Variants in RAD51D observed in about 807,000 individuals in gnomAD.
The protein encoded by RAD51D is DNA repair protein RAD51 homolog 4.
A neutral mutation model predicts 44.1 loss-of-function variants in RAD51D; 38 were observed. The observed-to-expected ratio is 0.86, with a 90% CI of 0.67 to 1.13. RAD51D has a LOEUF of 1.13. RAD51D is among the 50% of genes most tolerant of loss of function. The probability of loss-of-function intolerance (pLI) is 0.00; values close to 1 mark genes in which losing one functional copy is unlikely to be tolerated. For missense variants in RAD51D, 390 were observed against 414.0 expected (o/e 0.94, Z 0.50); for synonymous variants, 141 against 166.6 (o/e 0.85, Z 1.18).
Position 35,103,324 on chromosome 17 carries a change from C to A in RAD51D, c.668G>T (p.Gly223Val), listed in dbSNP as rs1064793588. 1 of 1,612,292 alleles carries A rather than the reference C, an allele frequency of 6.2e-7. No individual in the cohort carries two copies. Among genetic ancestry groups the A allele is most frequent in the Non-Finnish European group, 8.5e-7 (1 of 1,179,262 alleles). ...SPLLGGQQRE[G>V]LALMMQLARE... is the part of the protein sequence containing the mutation. Reference sequence around the variant, plus strand: ...GGCCAGCTGCATCATCAAGGCCAAGCCTGCAGGAGGAGGAGAAGCAGAGAG... The same window carrying A: ...GGCCAGCTGCATCATCAAGGCCAAGACTGCAGGAGGAGGAGAAGCAGAGAG... Residue 223 changes from glycine to valine, a missense_variant and splice_region_variant, in exon 8 of 10, where the codon GGC (glycine) becomes GTC (valine). Transcript: ENST00000345365. The surrounding 1 kb of genome is among the most constrained non-coding windows in gnomAD (Gnocchi z 4.1).
chr17:35,119,304 A>T lies in RAD51D; in HGVS notation c.83-132T>A, dbSNP rs1273351119. Reference sequence around the variant, plus strand: ...CGTCTCAGGAGGCCAGTGTGAAATAACAAAGCTGCAGGAGCCGGCGCGGTG... The same window carrying T: ...CGTCTCAGGAGGCCAGTGTGAAATATCAAAGCTGCAGGAGCCGGCGCGGTG... On this transcript the variant is annotated intron_variant, in intron 1 of 9. Coordinates refer to ENST00000345365, the MANE Select transcript of RAD51D (RefSeq NM_002878.4). The T allele has an allele frequency of 1.3e-5, 13 of 974,410 alleles. No individual in the cohort carries two copies. In the Admixed American group the frequency reaches 2.5e-4, roughly 19 times the overall value. The allele number at this position is 974,410 out of a possible 1,614,324, so 60.4% of individuals were successfully genotyped here. A position where few individuals can be genotyped will look rare whatever the true frequency, so the allele number is the denominator to read the frequency against.
At position 35,107,416 on chromosome 17, in the gene RAD51D, T is replaced by C. The variant is rs746416079; in HGVS notation, c.295A>G (p.Thr99Ala). The change falls in exon 4 of 10, where the codon ACT (threonine) becomes GCT (alanine). Residue 99 changes from threonine to alanine, a missense_variant. Thr to Ala is a moderately conservative substitution (Grantham distance 58, BLOSUM62 0). Coordinates refer to ENST00000345365, the MANE Select transcript of RAD51D (RefSeq NM_002878.4). ...CCTACAATTTCAGTCACTTCTCCAG[T>C]ATAGAGACCAGCATCAAGCAGTTTA... ...LDKLLDAGLYTGEVTEIVGGP... is the reference protein window; with the variant it reads ...LDKLLDAGLYAGEVTEIVGGP... 6 of 1,563,234 alleles carry C rather than the reference T, an allele frequency of 3.8e-6. No homozygotes were observed. Among genetic ancestry groups the C allele is most frequent in the Non-Finnish European group, 5.3e-6 (6 of 1,133,974 alleles).
At chr17:35,118,702 T>A in intron 2 of RAD51D, 83 bp from the exon 3 acceptor site, 1 of 1,011,004 alleles carries the variant, frequency 9.9e-7, no homozygotes, top group Non-Finnish European at 1.6e-6. Flanking sequence ...TACTTCTCAA[T>A]ATCTGAGAAC....
intron 3 of RAD51D, among the ~76,000 whole-genome samples, chr17:35,114,865 A>T (rs549930493): frequency 1.1e-3 from 160 of 152,352 alleles, no homozygotes; most frequent in African/African-American, 3.8e-3. Context: ...AAATTAGAAT[A>T]TATAGAGTTG....
At chr17:35,115,344 C>A (rs767009544) in intron 3 of RAD51D, 3 of 506,000 alleles carry the variant, frequency 5.9e-6, no homozygotes, top group South Asian at 4.3e-5. Context: ...TAGCTCTGGC[C>A]TATAAGGAAT....
At position 35,116,980 on chromosome 17, in the gene RAD51D, C is replaced by T. The variant is rs1281588416; in HGVS notation, c.263+1521G>A. 1.4e-5 allele frequency: 23 copies of T among 1,613,812 alleles called. No individual in the cohort carries two copies. Among genetic ancestry groups the T allele is most frequent in the Middle Eastern group, 1.6e-4 (1 of 6,084 alleles). The stretch of plus-strand genomic sequence containing the variant: ...CTGACCCCACTCCACGATCTCCCTG[C>T]GGGGACCTGAGGCAGCTGCAGTCCT... On this transcript the variant is annotated intron_variant, in intron 3 of 9. Transcript: ENST00000345365.
chr17:35,112,688 A>T (rs1438677245), intron 3 of RAD51D, among the ~76,000 whole-genome samples: 2 of 152,276 alleles, frequency 1.3e-5, no homozygotes, highest in African/African-American at 4.8e-5. Flanking sequence ...AATAAATGGT[A>T]GTGTTTTTTA....
At chr17:35,112,366 A>G (rs2091688145) in intron 3 of RAD51D, among the ~76,000 whole-genome samples, 1 of 151,000 alleles carries the variant, frequency 6.6e-6, no homozygotes, top group Admixed American at 6.6e-5. Flanking sequence ...GTGAACCACC[A>G]CGCCCAGCCA....
intron 1 of RAD51D, 129 bp from the exon 2 acceptor site, chr17:35,119,301 A>G (rs2091792426): frequency 1.0e-6 from 1 of 985,172 alleles, no homozygotes; most frequent in South Asian, 1.3e-5. Flanking sequence ...CCAGTGTGAA[A>G]TAACAAAGCT....
chr17:35,106,318 A>T, intron 6 of RAD51D, 68 bp downstream of exon 6: 2 of 1,291,316 alleles, frequency 1.5e-6, no homozygotes, highest in Non-Finnish European at 2.3e-6. Context: ...CTGTAGTAGG[A>T]CACCTGCCCA....
chr17:35,119,803 C>A lies in RAD51D; in HGVS notation c.-190G>T. 1 of 710,376 alleles carries A rather than the reference C, an allele frequency of 1.4e-6. No homozygotes were observed. Among genetic ancestry groups the A allele is most frequent in the Non-Finnish European group, 2.5e-6 (1 of 397,926 alleles). The allele number at this position is 710,376 out of a possible 1,614,324, so 44.0% of individuals were successfully genotyped here. ...TGGGGGTCATCCGCCCGCCCGGGAT[C>A]CGCCGGGATTCCCGCGCCCAGAGCC... On this transcript the variant is annotated 5_prime_UTR_variant, in exon 1 of 10. Transcript: ENST00000345365.
At chr17:35,104,663 C>A (rs1420130281) in intron 6 of RAD51D, among the ~76,000 whole-genome samples, 1 of 152,214 alleles carries the variant, frequency 6.6e-6, no homozygotes, top group African/African-American at 2.4e-5. Flanking sequence ...GGATTACAGG[C>A]ATGAGCCACC....
At chr17:35,106,847 C>T in intron 5 of RAD51D, 141 bp downstream of exon 5, 2 of 1,276,188 alleles carry the variant, frequency 1.6e-6, no homozygotes, top group South Asian at 2.5e-5. Context: ...ACAGGGGTGG[C>T]TTAAGGAATA....
intron 3 of RAD51D, among the ~76,000 whole-genome samples, chr17:35,112,381 GTTTGT>G (rs994880740): frequency 3.3e-5 from 5 of 151,324 alleles, no homozygotes; most frequent in African/African-American, 9.7e-5. Flanking sequence ...CAGCCATTTT[GTTTGT>G]TTTGTTTTTT....
intron 3 of RAD51D, chr17:35,115,428 C>A: frequency 2.5e-6 from 1 of 406,886 alleles, no homozygotes; most frequent in Non-Finnish European, 5.0e-6. Flanking sequence ...GGAATCATTG[C>A]ACCTCAGCAC....
intron 4 of RAD51D, 120 bp downstream of exon 4, chr17:35,107,245 AC>A: frequency 1.4e-6 from 2 of 1,463,822 alleles, no homozygotes; most frequent in Non-Finnish European, 1.9e-6. Context: ...ATTCCTTATT[AC>A]CCATCTTCTC....
rs751062153 is a variant in RAD51D at position 35,103,251 on chromosome 17, C to T, written c.738+3G>A. 8.1e-6 allele frequency: 13 copies of T among 1,607,484 alleles called. No homozygotes were observed. The South Asian group carries it at 1.1e-4, about 14-fold the overall frequency. On this transcript the variant is annotated splice_donor_region_variant and intron_variant, in intron 8 of 9. Transcript: ENST00000345365. The surrounding 1 kb of genome is among the most constrained non-coding windows in gnomAD (Gnocchi z 4.1). ...AGTTCATTGGCCAAGCCTGCTTCCT[C>T]ACCACCACTGCCATGCCAAGGTCCC...
In RAD51D at chr17:35,112,148, G is replaced by T. The variant is rs538693437; in HGVS notation, c.264-4701C>A. 5.3e-5 allele frequency among the ~76,000 whole-genome samples: 8 copies of T among 152,350 alleles called. No individual in the cohort carries two copies. The East Asian group carries it at 1.5e-3, about 29-fold the overall frequency. On this transcript the variant is annotated intron_variant, in intron 3 of 9. Transcript: ENST00000345365. ...GCTGGAGTGCAGTGGCGCAATCTTG[G>T]CTCACTGCAAGCTCTGCCTCCCAGG...
At position 35,118,598 on chromosome 17, in the gene RAD51D, C is replaced by T. The variant is rs587782052; in HGVS notation, c.166G>A (p.Val56Met). Residue 56 changes from valine (V) to methionine (M), a missense_variant, in exon 3 of 10, where the codon GTG becomes ATG. By Grantham distance (21) the Val-to-Met change is conservative. Transcript: ENST00000345365. ...SYKALVALRRVLLAQFSAFPV... is the reference protein window; with the variant it reads ...SYKALVALRRMLLAQFSAFPV... ...AAAGCCGAGAACTGAGCCAGCAGCA[C>T]CCGCCTCAGGGCAACCAGGGCCTGC... 1 of 1,614,214 alleles carries T rather than the reference C, an allele frequency of 6.2e-7. No homozygotes were observed. Among genetic ancestry groups the T allele is most frequent in the South Asian group, 1.1e-5 (1 of 91,088 alleles).
Sources: gnomAD v4.1 joint callset for allele counts (sites outside exome capture counted in the v4.1 genomes callset) on GRCh38, gnomAD v4.1.1 for gene constraint, Gnocchi (gnomAD v3.1) non-coding constraint, MANE v1.5 for transcripts, NCBI Gene and HGNC (gene_info 2026-07-23, HGNC 2026-07-21) for gene names.